The following SLCO3A1 variants were observed in gnomAD, a reference collection of about 807,000 sequenced individuals.
SLCO3A1 encodes the protein PGE1 transporter.
SLCO3A1 carries 27 observed loss-of-function variants against 63.1 expected under a neutral mutation model. The ratio of observed to expected loss-of-function variants is 0.43; its 90% CI spans 0.32 to 0.59. The LOEUF (loss-of-function observed/expected upper bound fraction) is 0.59. Ranked by LOEUF, SLCO3A1 falls within the 20% of genes least tolerant of loss-of-function variation. The probability of loss-of-function intolerance (pLI) is 0.09; values close to 1 mark genes in which losing one functional copy is unlikely to be tolerated. For synonymous variants in SLCO3A1, 473 were observed against 409.9 expected (o/e 1.15, Z -1.86); for missense variants, 773 against 945.8 (o/e 0.82, Z 2.40).
intron 2 of SLCO3A1, among the ~76,000 whole-genome samples, chr15:92,072,202 GTT>G (rs1192107638): frequency 6.7e-6 from 1 of 148,906 alleles, no homozygotes; most frequent in African/African-American, 2.5e-5. Context: ...CTTTTTTTTG[GTT>G]TTTTTTTTTT....
rs1310416262 is a variant in SLCO3A1 at position 91,954,688 on chromosome 15, C to T, written c.646+38230C>T. 6.6e-6 allele frequency among the ~76,000 whole-genome samples: 1 copy of T among 151,816 alleles called. No individual in the cohort carries two copies. Among genetic ancestry groups the T allele is most frequent in the Non-Finnish European group, 1.5e-5 (1 of 67,980 alleles). On this transcript the variant is annotated intron_variant, in intron 2 of 9. Coordinates refer to ENST00000318445, the MANE Select transcript of SLCO3A1 (RefSeq NM_013272.4). This position sits in a 1 kb window ranked among gnomAD's most constrained non-coding sequence, Gnocchi z 4.7. ...ATATGATTTTTATCAGGGTGGAGCC[C>T]CTGTGGTTAGAGCCCAATGAGTGAG...
chr15:92,127,173 C>T (rs1050063326), intron 6 of SLCO3A1, among the ~76,000 whole-genome samples: 1 of 152,232 alleles, frequency 6.6e-6, no homozygotes, highest in Admixed American at 6.5e-5. Context: ...GTTGCCCCTT[C>T]CAATCCCCGC....
chr15:92,049,687 T>C (rs1228339207), intron 2 of SLCO3A1, among the ~76,000 whole-genome samples: 1 of 152,166 alleles, frequency 6.6e-6, no homozygotes, highest in Non-Finnish European at 1.5e-5. Context: ...TAATAGCCCA[T>C]GACAAATCCA....
rs78512627 is a variant in SLCO3A1, at chr15:92,014,861, G to A, written c.647-80020G>A. 4.6e-3 allele frequency among the ~76,000 whole-genome samples: 701 copies of A among 152,226 alleles called. 4 individuals are homozygous for A. The highest frequency in any genetic ancestry group is 7.3e-3 in the Non-Finnish European group (496 of 68,014). ...GGAGACAGAGTAGGCATTGAGGGAG[G>A]TGGAGGAGGAGGGTAAGGAGGATCA... On this transcript the variant is annotated intron_variant, in intron 2 of 9. Transcript: ENST00000318445.
intron 7 of SLCO3A1, among the ~76,000 whole-genome samples, chr15:92,136,260 G>GA (rs2048055934): frequency 1.3e-5 from 2 of 152,262 alleles, no homozygotes; most frequent in East Asian, 3.9e-4. Flanking sequence ...AATCCTCTTA[G>GA]AAAAATAATC....
intron 4 of SLCO3A1, among the ~76,000 whole-genome samples, chr15:92,108,828 C>G (rs1430711043): frequency 6.6e-6 from 1 of 152,114 alleles, no homozygotes; most frequent in Non-Finnish European, 1.5e-5. Flanking sequence ...AGGAAGCCCC[C>G]CAAAGCCCCT....
chr15:92,062,989 A>G (rs182296599), intron 2 of SLCO3A1, among the ~76,000 whole-genome samples: 39 of 152,346 alleles, frequency 2.6e-4, no homozygotes, highest in Admixed American at 2.5e-3. Context: ...GGTGAGAAGA[A>G]AAACCTTGGG....
intron 2 of SLCO3A1, among the ~76,000 whole-genome samples, chr15:92,032,042 G>A (rs192238328): frequency 1.3e-5 from 2 of 152,138 alleles, no homozygotes; most frequent in Non-Finnish European, 2.9e-5. Flanking sequence ...GGCCCAGGTC[G>A]TCCATGCATG....
intron 3 of SLCO3A1, among the ~76,000 whole-genome samples, chr15:92,103,694 A>G (rs1411430586): frequency 2.6e-5 from 4 of 152,062 alleles, no homozygotes; most frequent in Non-Finnish European, 4.4e-5. Flanking sequence ...TATACAGATC[A>G]GTAAACTGAG....
In SLCO3A1 at chr15:91,872,862, C is replaced by T. The variant is rs1897312670; in HGVS notation, c.180+18774C>T. Among the ~76,000 whole-genome samples the T allele has an allele frequency of 1.3e-5, 2 of 152,168 alleles. No homozygotes were observed. On this transcript the variant is annotated intron_variant, in intron 1 of 9. Transcript: ENST00000318445. This position sits in a 1 kb window ranked among gnomAD's most constrained non-coding sequence, Gnocchi z 4.1. ...AATCTGTTCTCTGTTCCCTTCCTCC[C>T]CTTTAGGGCATGGTGGCGTCTGTAA...
At chr15:91,855,225 CCTTGGGGTAAAGTT>C (rs1896884656) in intron 1 of SLCO3A1, among the ~76,000 whole-genome samples, 1 of 152,122 alleles carries the variant, frequency 6.6e-6, no homozygotes, top group Admixed American at 6.5e-5. Context: ...TCATTCCTGG[CCTTGGGGTAAAGTT>C]CATGAGGGCC....
At chr15:92,102,367 TA>T (rs755491599) in intron 3 of SLCO3A1, among the ~76,000 whole-genome samples, 1 of 152,238 alleles carries the variant, frequency 6.6e-6, no homozygotes, top group Non-Finnish European at 1.5e-5. Flanking sequence ...TTCTCATTTA[TA>T]TACATATATG....
intron 4 of SLCO3A1, among the ~76,000 whole-genome samples, chr15:92,114,262 T>G (rs1009219101): frequency 5.3e-5 from 8 of 152,350 alleles, no homozygotes; most frequent in African/African-American, 1.9e-4. Context: ...TTGCCTCAGT[T>G]AGTGTTTCTT....
intron 2 of SLCO3A1, among the ~76,000 whole-genome samples, chr15:91,934,955 G>T (rs1396143629): frequency 6.6e-6 from 1 of 151,794 alleles, no homozygotes; most frequent in Non-Finnish European, 1.5e-5. Flanking sequence ...TGAATTTCCT[G>T]ACTTTTTTTT....
intron 2 of SLCO3A1, among the ~76,000 whole-genome samples, chr15:92,057,474 C>G (rs1403218141): frequency 6.6e-6 from 1 of 152,234 alleles, no homozygotes; most frequent in African/African-American, 2.4e-5. Flanking sequence ...AGTGGATTTT[C>G]ACTCCCAACA....
intron 3 of SLCO3A1, 116 bp downstream of exon 3, chr15:92,095,095 TGCCTC>T: frequency 1.9e-6 from 1 of 520,740 alleles, no homozygotes; most frequent in Admixed American, 3.3e-5. Context: ...TTGATGCCCC[TGCCTC>T]TGTAGCTGGG....
rs967998697 is a variant in SLCO3A1 at position 91,941,447 on chromosome 15, G to T, written c.646+24989G>T. 1 of 440,074 alleles carries T rather than the reference G, an allele frequency of 2.3e-6. No homozygotes were observed. Among genetic ancestry groups the T allele is most frequent in the African/African-American group, 2.0e-5 (1 of 49,184 alleles). 27.3% of individuals were successfully genotyped at this position (440,074 alleles called of 1,614,324 possible). A position where few individuals can be genotyped will look rare whatever the true frequency, so the allele number is the denominator to read the frequency against. On this transcript the variant is annotated intron_variant, in intron 2 of 9. Coordinates refer to ENST00000318445, the MANE Select transcript of SLCO3A1 (RefSeq NM_013272.4). This position sits in a 1 kb window ranked among gnomAD's most constrained non-coding sequence, Gnocchi z 4.4. ...CTGTCACTCGTTGAGGTGGTGGCCT[G>T]GTTCCTTTGGCCTTAGGGAAGGACA...
intron 2 of SLCO3A1, among the ~76,000 whole-genome samples, chr15:91,928,976 T>C (rs1899128816): frequency 6.6e-6 from 1 of 152,134 alleles, no homozygotes; most frequent in African/African-American, 2.4e-5. Flanking sequence ...CAGGAGTGAT[T>C]TTAAAACATA....
intron 2 of SLCO3A1, among the ~76,000 whole-genome samples, chr15:91,937,777 A>G (rs1899468101): frequency 6.6e-6 from 1 of 151,336 alleles, no homozygotes; most frequent in African/African-American, 2.4e-5. Context: ...GAAGAAGGGG[A>G]GGGGGACATT....
Sources: allele counts gnomAD v4.1 joint callset (sites outside exome capture counted in the v4.1 genomes callset), GRCh38; gene constraint gnomAD v4.1.1; non-coding constraint Gnocchi (gnomAD v3.1); transcripts MANE v1.5; gene names NCBI Gene and HGNC (gene_info 2026-07-23, HGNC 2026-07-21).